The following PTPRG variants were observed in gnomAD, a reference collection of about 807,000 sequenced individuals.
The protein encoded by PTPRG is receptor-type tyrosine-protein phosphatase gamma.
In PTPRG, 102 loss-of-function variants were observed where a neutral mutation model predicts 165.3. That is an observed-to-expected ratio of 0.62 (90% CI 0.53 to 0.73). PTPRG has a LOEUF of 0.73. PTPRG is among the 30% of genes least tolerant of loss of function. The pLI is 0.00. For missense variants in PTPRG, 1,866 were observed against 1,861.4 expected, an observed-to-expected ratio of 1.00 and a Z score of -0.05; for synonymous variants, 675 against 669.5, an observed-to-expected ratio of 1.01 and a Z score of -0.13.
chr3:61,988,942 G>A (rs2040824161), intron 2 of PTPRG, among the ~76,000 whole-genome samples: 1 of 152,082 alleles, frequency 6.6e-6, no homozygotes, highest in African/African-American at 2.4e-5. Context: ...TATTTCTGTG[G>A]CATATGTCCC....
intron 2 of PTPRG, among the ~76,000 whole-genome samples, chr3:61,904,424 C>T (rs1005110717): frequency 1.3e-5 from 2 of 152,180 alleles, no homozygotes; most frequent in African/African-American, 4.8e-5. Context: ...CTAACCATCT[C>T]CCTACAGGCC....
chr3:62,154,311 C>T (rs561117566), intron 6 of PTPRG, among the ~76,000 whole-genome samples: 1 of 152,284 alleles, frequency 6.6e-6, no homozygotes, highest in African/African-American at 2.4e-5. Flanking sequence ...GCAGTGAAGC[C>T]AGGCCCTCCT....
chr3:62,082,246 A>T (rs1447569940), intron 5 of PTPRG, among the ~76,000 whole-genome samples: 1 of 152,172 alleles, frequency 6.6e-6, no homozygotes, highest in Non-Finnish European at 1.5e-5. Flanking sequence ...TTTGTTCTCA[A>T]CATGTGCCCA....
intron 1 of PTPRG, among the ~76,000 whole-genome samples, chr3:61,722,149 G>A (rs66830827): frequency 0.14 from 21,754 of 151,982 alleles, 2,221 homozygotes; most frequent in East Asian, 0.48. Flanking sequence ...AGGGGCTGGC[G>A]TCTGGTGAGG....
intron 2 of PTPRG, among the ~76,000 whole-genome samples, chr3:61,869,717 C>T (rs764515507): frequency 9.9e-5 from 15 of 151,890 alleles, no homozygotes; most frequent in Admixed American, 5.2e-4. Context: ...TATCTGGGAC[C>T]GTAGGTGCAC....
chr3:62,015,888 A>G (rs924058368), intron 4 of PTPRG, among the ~76,000 whole-genome samples: 3 of 152,226 alleles, frequency 2.0e-5, no homozygotes, highest in Non-Finnish European at 1.5e-5. Flanking sequence ...TGGTTTAAAA[A>G]AAGAACAATT....
At chr3:62,249,590 A>C (rs1701364346) in intron 15 of PTPRG, among the ~76,000 whole-genome samples, 1 of 152,174 alleles carries the variant, frequency 6.6e-6, no homozygotes, top group Admixed American at 6.6e-5. Context: ...CTGGAATCTT[A>C]ATGGTATTTA....
chr3:61,786,052 T>G (rs1240135167), intron 2 of PTPRG, among the ~76,000 whole-genome samples: 1 of 152,182 alleles, frequency 6.6e-6, no homozygotes, highest in African/African-American at 2.4e-5. Context: ...AAAAGCCACC[T>G]TAAATGAACA....
chr3:62,053,753 T>A (rs1354088362), intron 4 of PTPRG, among the ~76,000 whole-genome samples: 1 of 152,096 alleles, frequency 6.6e-6, no homozygotes, highest in African/African-American at 2.4e-5. Flanking sequence ...TGTTCTGGGA[T>A]TTTTTCTCAT....
intron 1 of PTPRG, among the ~76,000 whole-genome samples, chr3:61,689,111 T>TG (rs1189825768): frequency 5.9e-5 from 9 of 152,218 alleles, no homozygotes; most frequent in African/African-American, 2.2e-4. Context: ...CTGGACTTTA[T>TG]GCTCTAGGAA....
At chr3:61,762,635 A>G (rs2033890712) in intron 2 of PTPRG, among the ~76,000 whole-genome samples, 1 of 152,128 alleles carries the variant, frequency 6.6e-6, no homozygotes, top group South Asian at 2.1e-4. Context: ...AGTACACCAT[A>G]GCTAGCAATA....
intron 4 of PTPRG, among the ~76,000 whole-genome samples, chr3:62,074,235 G>T (rs1043679569): frequency 6.6e-6 from 1 of 150,536 alleles, no homozygotes; most frequent in Non-Finnish European, 1.5e-5. Context: ...CGCAAAAGAG[G>T]TATAGTATAA....
intron 1 of PTPRG, among the ~76,000 whole-genome samples, chr3:61,597,952 G>A (rs1700746130): frequency 6.6e-6 from 1 of 152,140 alleles, no homozygotes; most frequent in Admixed American, 6.5e-5. Flanking sequence ...TACAGTAGTT[G>A]CCACAGTTTG....
At chr3:62,246,283 A>G (rs562892805) in intron 15 of PTPRG, among the ~76,000 whole-genome samples, 4 of 152,310 alleles carry the variant, frequency 2.6e-5, no homozygotes, top group South Asian at 2.1e-4. Context: ...ACCTAGTGAA[A>G]TGACGAGTGA....
intron 1 of PTPRG, among the ~76,000 whole-genome samples, chr3:61,703,366 G>T (rs1294997482): frequency 6.6e-6 from 1 of 152,202 alleles, no homozygotes; most frequent in Non-Finnish European, 1.5e-5. Flanking sequence ...ATCAGTTACA[G>T]TAATGTCAAA....
chr3:62,160,893 CAGTA>C (rs1480735631), intron 7 of PTPRG, among the ~76,000 whole-genome samples: 12 of 93,376 alleles, frequency 1.3e-4, no homozygotes, highest in Non-Finnish European at 1.9e-4. Flanking sequence ...TTTTTTCTGA[CAGTA>C]AGCTGGAGTG....
At chr3:61,644,391 GGGAGATGGAAGAACTAACAT>G (rs1358005609) in intron 1 of PTPRG, among the ~76,000 whole-genome samples, 1 of 152,068 alleles carries the variant, frequency 6.6e-6, no homozygotes, top group Non-Finnish European at 1.5e-5. Context: ...TTCATCTCTC[GGGAGATGGAAGAACTAACAT>G]TAATCCCAGG....
chr3:62,092,455 A>AAAAAG, intron 5 of PTPRG, among the ~76,000 whole-genome samples: 1 of 150,588 alleles, frequency 6.6e-6, no homozygotes, highest in South Asian at 2.1e-4. Context: ...AAAAAAAAAA[A>AAAAAG]AAAAGAAAAA....
chr3:61,713,891 A>G (rs968648565), intron 1 of PTPRG, among the ~76,000 whole-genome samples: 1 of 152,238 alleles, frequency 6.6e-6, no homozygotes, highest in African/African-American at 2.4e-5. Context: ...TAAATGTTAA[A>G]AAGGCATTAA....
Sources: allele counts gnomAD v4.1 joint callset (sites outside exome capture counted in the v4.1 genomes callset), GRCh38; gene constraint gnomAD v4.1.1; transcripts MANE v1.5; gene names NCBI Gene and HGNC (gene_info 2026-07-23, HGNC 2026-07-21).